The following PNPLA6 variants were observed in gnomAD, a reference collection of about 807,000 sequenced individuals.
The protein encoded by PNPLA6 is patatin-like phospholipase domain-containing protein 6.
A neutral mutation model predicts 153.7 loss-of-function variants in PNPLA6; 105 were observed. The observed-to-expected ratio is 0.68, with a 90% CI of 0.58 to 0.80. The LOEUF (loss-of-function observed/expected upper bound fraction) is 0.80. PNPLA6 is among the 30% of genes least tolerant of loss of function. The probability of loss-of-function intolerance (pLI) is 0.00; values close to 1 mark genes in which losing one functional copy is unlikely to be tolerated. For missense variants in PNPLA6, 1,423 were observed against 1,919.3 expected (o/e 0.74, Z 4.83); for synonymous variants, 825 against 822.2 (o/e 1.00, Z -0.06).
Position 7,556,729 on chromosome 19 carries a change from G to A in PNPLA6, c.3280+5G>A. 1.2e-6 allele frequency: 2 copies of A among 1,609,504 alleles called. No individual in the cohort carries two copies. Among genetic ancestry groups the A allele is most frequent in the Non-Finnish European group, 1.7e-6 (2 of 1,175,898 alleles). Reference sequence around the variant, plus strand: ...CCATGCGAGTCCACAAAGATGGTGGGTGTCCCCGCCCAGCCTGCAGCAACC... The same window carrying A: ...CCATGCGAGTCCACAAAGATGGTGGATGTCCCCGCCCAGCCTGCAGCAACC... On this transcript the variant is annotated splice_donor_5th_base_variant and intron_variant, in intron 26 of 31. Coordinates refer to ENST00000600737, the MANE Select transcript of PNPLA6 (RefSeq NM_001166114.2).
At chr19:7,544,449 G>C (rs1170501732) in intron 13 of PNPLA6, among the ~76,000 whole-genome samples, 1 of 152,168 alleles carries the variant, frequency 6.6e-6, no homozygotes, top group Non-Finnish European at 1.5e-5. Flanking sequence ...TTCACAGGGT[G>C]CTGTTCCTGA....
intron 13 of PNPLA6, among the ~76,000 whole-genome samples, chr19:7,547,845 TAGAGAC>T (rs989888059): frequency 5.8e-5 from 4 of 69,282 alleles, no homozygotes; most frequent in African/African-American, 2.8e-4. Context: ...TTTTTTTTTG[TAGAGAC>T]AGGGTTTCAC....
At chr19:7,557,935 C>T (rs1382226484) in intron 27 of PNPLA6, among the ~76,000 whole-genome samples, 1 of 152,214 alleles carries the variant, frequency 6.6e-6, no homozygotes, top group Non-Finnish European at 1.5e-5. Context: ...GTGTGCACAC[C>T]AGCTATATAT....
upstream of PNPLA6, chr19:7,535,601 G>A (rs1419264008): frequency 6.3e-7 from 1 of 1,598,772 alleles, no homozygotes; most frequent in Non-Finnish European, 8.5e-7. The surrounding 1 kb of genome is among the most constrained non-coding windows in gnomAD (Gnocchi z 5.0). Context: ...CGGAGACCGG[G>A]TAGGTGCCGG....
intron 3 of PNPLA6, among the ~76,000 whole-genome samples, chr19:7,538,046 A>G (rs1265645729): frequency 6.6e-6 from 1 of 152,132 alleles, no homozygotes; most frequent in African/African-American, 2.4e-5. Context: ...AGCTGTCTGT[A>G]GTGTTTGCAC....
At position 7,535,821 on chromosome 19, in the gene PNPLA6, C is replaced by A; in HGVS notation, c.33C>A (p.Asn11Lys). Residue 11 changes from asparagine to lysine, a missense_variant, in exon 1 of 32, where the codon AAC (asparagine) becomes AAA (lysine). Coordinates refer to ENST00000600737, the MANE Select transcript of PNPLA6 (RefSeq NM_001166114.2). This position sits in a 1 kb window ranked among gnomAD's most constrained non-coding sequence, Gnocchi z 5.0. MGTSSHGLAT[N>K]SSGAKVAERD... ...CATCGAGTCACGGGCTGGCTACGAA[C>A]TCCTCGGGGGCGAAGGTGGCGGAGA... 6.5e-7 allele frequency: 1 copy of A among 1,536,988 alleles called. No individual in the cohort carries two copies. Among genetic ancestry groups the A allele is most frequent in the Non-Finnish European group, 8.7e-7 (1 of 1,146,754 alleles).
At position 7,555,011 on chromosome 19, in the gene PNPLA6, G is replaced by C. The variant is rs560373686; in HGVS notation, c.2753G>C (p.Cys918Ser). ...GAGTGGCTAAATATGCGCAGCTGGT[G>C]CTCGGGGCACCTGCACCTGCGCTGT... ...TVEWLNMRSW[C>S]SGHLHLRCPR... Residue 918 changes from cysteine (C) to serine (S), a missense_variant, in exon 22 of 32, where the codon TGC becomes TCC. Around this residue, in one of 10 missense-constraint regions of PNPLA6, gnomAD observed 643 missense variants for 835.2 expected, o/e 0.77. Coordinates refer to ENST00000600737, the MANE Select transcript of PNPLA6 (RefSeq NM_001166114.2). This position sits in a 1 kb window ranked among gnomAD's most constrained non-coding sequence, Gnocchi z 6.3. The C allele has an allele frequency of 8.2e-6, 13 of 1,593,716 alleles. No homozygotes were observed. The East Asian group carries it at 1.3e-4, about 16-fold the overall frequency.
chr19:7,535,339 T>A, upstream of PNPLA6: 1 of 647,592 alleles, frequency 1.5e-6, no homozygotes, highest in Non-Finnish European at 2.8e-6. The surrounding 1 kb of genome is among the most constrained non-coding windows in gnomAD (Gnocchi z 5.0). Context: ...GTCGGTTTGC[T>A]CCATCCCTTA....
intron 13 of PNPLA6, among the ~76,000 whole-genome samples, chr19:7,545,343 G>C (rs1220350455): frequency 2.6e-5 from 4 of 152,044 alleles, no homozygotes; most frequent in African/African-American, 4.8e-5. Flanking sequence ...TGGAAATTCT[G>C]TCTTAGAAGG....
chr19:7,551,111 C>A lies in PNPLA6; in HGVS notation c.2184+4C>A. ...CATCAAACGCCGGTACCCGCAGGTG[C>A]GGCCTGTTGTGGGCGGGGCAGAGAG... On this transcript the variant is annotated splice_donor_region_variant and intron_variant, in intron 17 of 31. Transcript: ENST00000600737. 1.6e-6 allele frequency: 2 copies of A among 1,216,912 alleles called. No homozygotes were observed. Among genetic ancestry groups the A allele is most frequent in the Non-Finnish European group, 2.2e-6 (2 of 902,534 alleles). 75.4% of individuals were successfully genotyped at this position (1,216,912 alleles called of 1,614,324 possible).
rs1370447514 is a variant in PNPLA6 at position 7,535,955 on chromosome 19, C to T, written c.167C>T (p.Ala56Val). ...CAGGTGCTTGGCGTGATGATCGGGGCCGGAGTGGCGGTGGTGGTCACGGCC... is the reference window on the plus strand; with the variant it reads ...CAGGTGCTTGGCGTGATGATCGGGGTCGGAGTGGCGGTGGTGGTCACGGCC... ...VPQVLGVMIG[A>V]GVAVVVTAVL... is the part of the protein sequence containing the mutation. The change falls in exon 1 of 32, where the codon GCC becomes GTC. Residue 56 changes from alanine (A) to valine (V), a missense_variant. By Grantham distance (64) the Ala-to-Val change is moderately conservative (BLOSUM62 0). Coordinates refer to ENST00000600737, the MANE Select transcript of PNPLA6 (RefSeq NM_001166114.2). The surrounding 1 kb of genome is among the most constrained non-coding windows in gnomAD (Gnocchi z 5.0). 1.9e-6 allele frequency: 3 copies of T among 1,589,062 alleles called. No individual in the cohort carries two copies. The highest frequency in any genetic ancestry group is 2.7e-5 in the African/African-American group (2 of 74,776).
In PNPLA6 at chr19:7,560,660, C is replaced by G. The variant is rs143072391; in HGVS notation, c.3712C>G (p.Gln1238Glu). ...TCATTTCCCACAGGATGTGGGCTAC[C>G]AGTACGGGAAGGCGGTGTTTGGAGG... Reference protein sequence around the residue: ...KFDQIYDVGYQYGKAVFGGWS... With the variant: ...KFDQIYDVGYEYGKAVFGGWS... Residue 1238 changes from glutamine to glutamate, a missense_variant, in exon 29 of 32, where the codon CAG (glutamine) becomes GAG (glutamate). Transcript: ENST00000600737. The G allele has an allele frequency of 3.1e-4, 505 of 1,611,956 alleles. No homozygotes were observed. The highest frequency in any genetic ancestry group is 3.0e-3 in the Middle Eastern group (18 of 6,084).
chr19:7,547,125 G>T (rs961283270), intron 13 of PNPLA6, among the ~76,000 whole-genome samples: 4 of 152,162 alleles, frequency 2.6e-5, no homozygotes, highest in African/African-American at 9.6e-5. Context: ...GGCTGGTCTT[G>T]AACTCCTGAC....
chr19:7,542,957 G>C, intron 12 of PNPLA6, 29 bp downstream of exon 12: 1 of 1,613,858 alleles, frequency 6.2e-7, no homozygotes. Flanking sequence ...CTGGGCACAG[G>C]GCGCAAGGGA....
chr19:7,554,603 A>T lies in PNPLA6; in HGVS notation c.2514A>T (p.Ala838=), dbSNP rs1179097830. ...LSGWLAQQED[A]HRIVLYQTDA... ...GGTGGCTGGCCCAGCAGGAGGATGC[A>T]CACCGTATCGTACTCTACCAGACGG... The change falls in exon 21 of 32, where the codon GCA becomes GCT. Residue 838 remains alanine, a synonymous_variant. Coordinates refer to ENST00000600737, the MANE Select transcript of PNPLA6 (RefSeq NM_001166114.2). 1.9e-6 allele frequency: 3 copies of T among 1,613,888 alleles called. No individual in the cohort carries two copies. The African/African-American group carries it at 4.0e-5, about 22-fold the overall frequency.
In PNPLA6 at chr19:7,541,792, C is replaced by T. The variant is rs2023156579; in HGVS notation, c.1168+108C>T. 3 of 1,301,422 alleles carry T rather than the reference C, an allele frequency of 2.3e-6. No individual in the cohort carries two copies. The East Asian group carries it at 7.5e-5, about 33-fold the overall frequency. The allele number at this position is 1,301,422 out of a possible 1,614,324, so 80.6% of individuals were successfully genotyped here. On this transcript the variant is annotated intron_variant, in intron 9 of 31. Coordinates refer to ENST00000600737, the MANE Select transcript of PNPLA6 (RefSeq NM_001166114.2). The surrounding 1 kb of genome is among the most constrained non-coding windows in gnomAD (Gnocchi z 5.2). ...AGAGTCAACCTGACCTTGTCCAGCCCCACAGGGACTCCATAGCGGGGTACC... is the reference window on the plus strand; with the variant it reads ...AGAGTCAACCTGACCTTGTCCAGCCTCACAGGGACTCCATAGCGGGGTACC...
At chr19:7,561,432 C>T in intron 31 of PNPLA6, 56 bp from the exon 32 acceptor site, 4 of 1,477,226 alleles carry the variant, frequency 2.7e-6, no homozygotes, top group Non-Finnish European at 3.7e-6. Flanking sequence ...TGCTGGCTGA[C>T]ATGTGACGCA....
At chr19:7,539,772 A>C (rs1238220875) in intron 3 of PNPLA6, 146 bp from the exon 4 acceptor site, 4 of 608,698 alleles carry the variant, frequency 6.6e-6, no homozygotes, top group Middle Eastern at 4.4e-4. Flanking sequence ...AAAAAAAAAA[A>C]AAAAAAAAGG....
In PNPLA6 at chr19:7,555,046, C is replaced by T. The variant is rs751142538; in HGVS notation, c.2788C>T (p.Leu930Phe). ...CCTGCACCTGCGCTGTCCGCGCCGC[C>T]TCTTTTCGCGCCGCAGCCCTGCCAA... ...GHLHLRCPRRLFSRRSPAKLH... is the reference protein window; with the variant it reads ...GHLHLRCPRRFFSRRSPAKLH... The change falls in exon 22 of 32, where the codon CTC (leucine) becomes TTC (phenylalanine). Residue 930 changes from leucine (L) to phenylalanine (F), a missense_variant. By Grantham distance (22) the Leu-to-Phe change is conservative (BLOSUM62 0). This residue lies in a region of PNPLA6 where 643 missense variants were observed against 835.2 expected (regional missense o/e 0.77). Transcript: ENST00000600737. The surrounding 1 kb of genome is among the most constrained non-coding windows in gnomAD (Gnocchi z 6.3). 6.3e-7 allele frequency: 1 copy of T among 1,593,478 alleles called. No individual in the cohort carries two copies. Among genetic ancestry groups the T allele is most frequent in the East Asian group, 2.2e-5 (1 of 44,692 alleles).
Sources: allele counts gnomAD v4.1 joint callset (sites outside exome capture counted in the v4.1 genomes callset), GRCh38; gene constraint gnomAD v4.1.1; regional missense constraint gnomAD v4.1.1; non-coding constraint Gnocchi (gnomAD v3.1); transcripts MANE v1.5; gene names NCBI Gene and HGNC (gene_info 2026-07-23, HGNC 2026-07-21).